DISC1: variants seen among roughly 807,000 people sequenced by gnomAD.
The protein encoded by DISC1 is DISC1 scaffold protein, also known as disrupted in schizophrenia 1 protein.
DISC1 carries 57 observed loss-of-function variants against 84.5 expected under a neutral mutation model. The observed-to-expected ratio is 0.67, with a 90% confidence interval of 0.55 to 0.84. The LOEUF (loss-of-function observed/expected upper bound fraction) is 0.84, where lower values mean the gene tolerates loss of function less well. DISC1 is among the 40% of genes least tolerant of loss of function. The pLI is 0.00. For synonymous variants in DISC1, 411 were observed against 415.2 expected (o/e 0.99, Z 0.12); for missense variants, 1,000 against 1,057.8 (o/e 0.95, Z 0.76).
chr1:231,767,147 G>A lies in DISC1; in HGVS notation c.1276G>A (p.Gly426Arg), dbSNP rs200019964. The A allele has an allele frequency of 2.7e-5, 43 of 1,614,030 alleles. No homozygotes were observed. The highest frequency in any genetic ancestry group is 2.0e-4 in the East Asian group (9 of 44,886). Residue 426 changes from glycine to arginine, a missense_variant, in exon 5 of 13, where the codon GGA becomes AGA. By Grantham distance (125) the Gly-to-Arg change is moderately radical. This residue lies in a region of DISC1 where 311 missense variants were observed against 400.1 expected (regional missense o/e 0.78). Transcript: ENST00000439617. ...GGTATGTGTTGTTTTAAGGGCCAGCGGAGATGACACCCACACCCCACTGAG... is the reference window on the plus strand; with the variant it reads ...GGTATGTGTTGTTTTAAGGGCCAGCAGAGATGACACCCACACCCCACTGAG... Reference protein sequence around the residue: ...LRRGATQQASGDDTHTPLRME... With the variant: ...LRRGATQQASRDDTHTPLRME...
chr1:231,913,764 G>A (rs1319067635), intron 9 of DISC1, among the ~76,000 whole-genome samples: 1 of 152,158 alleles, frequency 6.6e-6, no homozygotes, highest in Non-Finnish European at 1.5e-5. Flanking sequence ...TTGACAAGTA[G>A]TATTTCCGGG....
intron 3 of DISC1, 52 bp from the exon 4 acceptor site, chr1:231,749,874 T>C (rs2074415435): frequency 6.2e-7 from 1 of 1,612,994 alleles, no homozygotes; most frequent in African/African-American, 1.3e-5. Context: ...GGGTTATCTA[T>C]TTTGCATTTC....
chr1:231,879,434 A>C (rs1172687962), intron 9 of DISC1, among the ~76,000 whole-genome samples: 1 of 151,882 alleles, frequency 6.6e-6, no homozygotes, highest in Non-Finnish European at 1.5e-5. Context: ...AATGCATGAG[A>C]GCTCCCTTAA....
At chr1:231,845,431 T>G (rs1331665315) in intron 9 of DISC1, among the ~76,000 whole-genome samples, 1 of 151,820 alleles carries the variant, frequency 6.6e-6, no homozygotes, top group Admixed American at 6.6e-5. Flanking sequence ...TGGGGAAAGG[T>G]CTGCTGTGGT....
chr1:231,756,102 A>AC (rs2075084862), intron 4 of DISC1, among the ~76,000 whole-genome samples: 1 of 152,224 alleles, frequency 6.6e-6, no homozygotes, highest in African/African-American at 2.4e-5. Context: ...TCTGCAATAG[A>AC]CACTTACTGA....
chr1:232,016,919 A>G (rs1668537726), intron 11 of DISC1, among the ~76,000 whole-genome samples: 1 of 152,208 alleles, frequency 6.6e-6, no homozygotes, highest in African/African-American at 2.4e-5. Flanking sequence ...AGATAGAGTA[A>G]TAAAGATATA....
In DISC1 at chr1:231,630,306, G is replaced by A. The variant is rs1284516674; in HGVS notation, c.67+3372G>A. Among the ~76,000 whole-genome samples, 1 of 152,042 alleles carries A rather than the reference G, an allele frequency of 6.6e-6. No individual in the cohort carries two copies. Among genetic ancestry groups the A allele is most frequent in the Non-Finnish European group, 1.5e-5 (1 of 68,006 alleles). On this transcript the variant is annotated intron_variant, in intron 1 of 12. Coordinates refer to ENST00000439617, the MANE Select transcript of DISC1 (RefSeq NM_018662.3). This position sits in a 1 kb window ranked among gnomAD's most constrained non-coding sequence, Gnocchi z 4.4. ...GTAATATTTTAGGTTAGGGTCATTA[G>A]ACCAGAATTAGAATCATTCTTTTTT...
intron 7 of DISC1, among the ~76,000 whole-genome samples, chr1:231,799,027 A>G (rs1184322862): frequency 3.2e-4 from 48 of 152,206 alleles, no homozygotes; most frequent in Non-Finnish European, 2.9e-5. Flanking sequence ...TTGGCATATG[A>G]AAAGTCTTGA....
chr1:231,660,693 G>A (rs1267955731), intron 1 of DISC1, among the ~76,000 whole-genome samples: 1 of 152,130 alleles, frequency 6.6e-6, no homozygotes, highest in Non-Finnish European at 1.5e-5. Context: ...GACCTCAGGT[G>A]ATTTGCCTGC....
intron 9 of DISC1, among the ~76,000 whole-genome samples, chr1:231,886,766 C>CCTTTCTTTCTTT (rs3084378): frequency 2.9e-3 from 248 of 84,408 alleles, no homozygotes; most frequent in East Asian, 8.1e-3. Flanking sequence ...TTCCTTCCTT[C>CCTTTCTTTCTTT]CTTTCTTTCT....
intron 10 of DISC1, among the ~76,000 whole-genome samples, chr1:231,978,312 T>C (rs1394670106): frequency 6.6e-6 from 1 of 152,196 alleles, no homozygotes; most frequent in Non-Finnish European, 1.5e-5. Context: ...GCTTTTTACC[T>C]ACATTGGTGA....
At chr1:231,814,879 A>G (rs1426392314) in intron 8 of DISC1, 1 of 151,772 alleles carries the variant, frequency 6.6e-6, no homozygotes, top group Non-Finnish European at 1.5e-5. Flanking sequence ...CATCCTGACC[A>G]CTTCCTGGCT....
At chr1:231,714,064 G>A (rs2068328453) in intron 3 of DISC1, among the ~76,000 whole-genome samples, 1 of 151,776 alleles carries the variant, frequency 6.6e-6, no homozygotes, top group Non-Finnish European at 1.5e-5. Flanking sequence ...TAAAGTTTTA[G>A]GTGTGAAAGT....
In DISC1 at chr1:231,644,721, C is replaced by A. The variant is rs547651429; in HGVS notation, c.67+17787C>A. ...ATTAATGATGGGTGTCTAGCTATGA[C>A]CCCCTTTTCCTTTTCACTTCTGTCC... On this transcript the variant is annotated intron_variant, in intron 1 of 12. Transcript: ENST00000439617. Among the ~76,000 whole-genome samples, 3 of 152,226 alleles carry A rather than the reference C, an allele frequency of 2.0e-5. No individual in the cohort carries two copies. In the East Asian group the frequency reaches 5.8e-4, roughly 29 times the overall value.
chr1:231,762,253 C>CT (rs2075789957), intron 4 of DISC1, among the ~76,000 whole-genome samples: 1 of 23,014 alleles, frequency 4.3e-5, no homozygotes, highest in African/African-American at 1.8e-4. Context: ...CTTTTCTTTT[C>CT]TTTATTTTCT....
chr1:231,890,162 G>C (rs540421461), intron 9 of DISC1, among the ~76,000 whole-genome samples: 6 of 152,256 alleles, frequency 3.9e-5, no homozygotes, highest in Middle Eastern at 3.4e-3. Flanking sequence ...AAGTTGTGTA[G>C]TTGCTGCTCT....
At chr1:231,985,141 T>C (rs1158792742) in intron 10 of DISC1, among the ~76,000 whole-genome samples, 2 of 151,740 alleles carry the variant, frequency 1.3e-5, no homozygotes, top group Non-Finnish European at 2.9e-5. Context: ...GCCAACATGG[T>C]GAAACCCCAT....
chr1:231,641,121 ACAAT>A (rs1287763962), intron 1 of DISC1, among the ~76,000 whole-genome samples: 1 of 152,228 alleles, frequency 6.6e-6, no homozygotes, highest in East Asian at 1.9e-4. Flanking sequence ...ACCAGCAATG[ACAAT>A]CAAGGTGAGC....
In DISC1 at chr1:232,009,750, C is replaced by G. The variant is rs1667861855; in HGVS notation, c.2307+701C>G. 5.1e-6 allele frequency: 2 copies of G among 395,074 alleles called. No individual in the cohort carries two copies. Among genetic ancestry groups the G allele is most frequent in the African/African-American group, 4.4e-5 (2 of 45,826 alleles). The allele number at this position is 395,074 out of a possible 1,614,324, so 24.5% of individuals were successfully genotyped here. On this transcript the variant is annotated intron_variant, in intron 11 of 12. Transcript: ENST00000439617. The surrounding 1 kb of genome is among the most constrained non-coding windows in gnomAD (Gnocchi z 4.6). Reference sequence around the variant, plus strand: ...ACAAGAGTCTTTTCCATAAAAAGGCCCTAGGAAGTTTTTCCTGATTTCAGT... The same window carrying G: ...ACAAGAGTCTTTTCCATAAAAAGGCGCTAGGAAGTTTTTCCTGATTTCAGT...
Sources: gnomAD v4.1 joint callset for allele counts (sites outside exome capture counted in the v4.1 genomes callset) on GRCh38, gnomAD v4.1.1 for gene constraint, gnomAD v4.1.1 regional missense constraint, Gnocchi (gnomAD v3.1) non-coding constraint, MANE v1.5 for transcripts, NCBI Gene and HGNC (gene_info 2026-07-23, HGNC 2026-07-21) for gene names.